Variants in FAM136A observed in about 807,000 individuals in gnomAD.
FAM136A encodes TIM double twin CX3C motif protein.
A neutral mutation model predicts 21.6 loss-of-function variants in FAM136A; 25 were observed. That is an observed-to-expected ratio of 1.16 (90% CI 0.84 to 1.62). The LOEUF is 1.62. FAM136A is among the 40% of genes most tolerant of loss of function. FAM136A has a pLI of 0.00. For missense variants in FAM136A, 338 were observed against 332.0 expected, an observed-to-expected ratio of 1.02 and a Z score of -0.14; for synonymous variants, 119 against 129.4, an observed-to-expected ratio of 0.92 and a Z score of 0.55.
intron 2 of FAM136A, among the ~76,000 whole-genome samples, chr2:70,298,861 T>G (rs1294628772): frequency 6.6e-6 from 1 of 152,146 alleles, no homozygotes; most frequent in East Asian, 1.9e-4. Flanking sequence ...AGGAGAGGGA[T>G]CCACTGTGTC....
rs1373196110 is a variant in FAM136A, at chr2:70,297,460, G to A, written c.567C>T (p.Cys189=). The change falls in exon 3 of 3, where the codon TGC becomes TGT. Residue 189 remains cysteine, a synonymous_variant. Coordinates refer to ENST00000430566, the MANE Select transcript of FAM136A (RefSeq NM_001329752.2). ...TGGCTTTGTCGTTGCAATGCATGGT[G>A]CACCGGGCCAGGCGGTCCTGTGGCA... ...LEKFQDRLAR[C]TMHCNDKAKD... The A allele has an allele frequency of 2.6e-5, 42 of 1,613,766 alleles. No individual in the cohort carries two copies. The highest frequency in any genetic ancestry group is 3.4e-5 in the Non-Finnish European group (40 of 1,179,876).
chr2:70,302,019 C>T lies in FAM136A; in HGVS notation c.-8G>A. 1 of 1,578,830 alleles carries T rather than the reference C, an allele frequency of 6.3e-7. No homozygotes were observed. ...CTGCTGCAGCTCAGCCATGGCGACC[C>T]CGCGCTGCCCCGCGGCGCTCCGCGC... On this transcript the variant is annotated 5_prime_UTR_variant, in exon 1 of 3. Coordinates refer to ENST00000430566, the MANE Select transcript of FAM136A (RefSeq NM_001329752.2).
rs77938271 is a variant in FAM136A at position 70,297,284 on chromosome 2, T to C, written c.*5A>G. ...CTCAGCCCTGATGGCCACTGGCAAATACTTTTATTTTCCAATTGATAAGAG... is the reference window on the plus strand; with the variant it reads ...CTCAGCCCTGATGGCCACTGGCAAACACTTTTATTTTCCAATTGATAAGAG... On this transcript the variant is annotated 3_prime_UTR_variant, in exon 3 of 3. Coordinates refer to ENST00000430566, the MANE Select transcript of FAM136A (RefSeq NM_001329752.2). The C allele has an allele frequency of 6.6e-7, 1 of 1,505,072 alleles. No homozygotes were observed. Among genetic ancestry groups the C allele is most frequent in the Non-Finnish European group, 9.0e-7 (1 of 1,110,846 alleles). 93.2% of individuals were successfully genotyped at this position (1,505,072 alleles called of 1,614,324 possible). A position where few individuals can be genotyped will look rare whatever the true frequency, so the allele number is the denominator to read the frequency against.
At position 70,296,840 on chromosome 2, in the gene FAM136A, T is replaced by A. The variant is rs1058256; in HGVS notation, c.*449A>T. 9,666 of 153,446 alleles carry A rather than the reference T, an allele frequency of 0.063. 370 individuals are homozygous for A. Among genetic ancestry groups the A allele is most frequent in the East Asian group, 0.18 (933 of 5,206 alleles). 9.5% of individuals were successfully genotyped at this position (153,446 alleles called of 1,614,324 possible). On this transcript the variant is annotated 3_prime_UTR_variant, in exon 3 of 3. Transcript: ENST00000430566. ...TAAGTTAGTGACCTCATTGATTTTGTTTCACAGCTTATGGAAGATGGTGGG... is the reference window on the plus strand; with the variant it reads ...TAAGTTAGTGACCTCATTGATTTTGATTCACAGCTTATGGAAGATGGTGGG...
intron 2 of FAM136A, among the ~76,000 whole-genome samples, chr2:70,299,370 G>T (rs1441809163): frequency 6.6e-6 from 1 of 152,138 alleles, no homozygotes; most frequent in Admixed American, 6.5e-5. Context: ...TGTGAGCCAG[G>T]AATCAGTGAG....
chr2:70,299,907 AT>A (rs113135355), intron 2 of FAM136A, among the ~76,000 whole-genome samples: 7 of 135,944 alleles, frequency 5.1e-5, no homozygotes, highest in South Asian at 2.3e-4. Flanking sequence ...AACATTATTT[AT>A]TTTTTTTTGA....
intron 1 of FAM136A, chr2:70,301,292 A>T (rs1340295989): frequency 3.0e-6 from 4 of 1,317,440 alleles, no homozygotes; most frequent in Non-Finnish European, 4.0e-6. Flanking sequence ...AATTCTGAAA[A>T]CCAGGAGCCT....
At chr2:70,300,756 G>T in intron 2 of FAM136A, 84 bp downstream of exon 2, 1 of 1,446,130 alleles carries the variant, frequency 6.9e-7, no homozygotes, top group South Asian at 1.5e-5. Flanking sequence ...AGACACTAAA[G>T]CCAAGAGTTT....
chr2:70,299,089 C>A (rs775247741), intron 2 of FAM136A, among the ~76,000 whole-genome samples: 2 of 152,194 alleles, frequency 1.3e-5, no homozygotes, highest in Non-Finnish European at 2.9e-5. Flanking sequence ...CAAAGAAACC[C>A]TTTGGGGTTC....
At chr2:70,298,529 A>G (rs991743478) in intron 2 of FAM136A, among the ~76,000 whole-genome samples, 5 of 152,246 alleles carry the variant, frequency 3.3e-5, no homozygotes, top group Admixed American at 3.3e-4. Flanking sequence ...CAGAACTTAC[A>G]TTCCAGTGAG....
chr2:70,300,136 G>A (rs74453883), intron 2 of FAM136A, among the ~76,000 whole-genome samples: 9,584 of 151,618 alleles, frequency 0.063, 366 homozygotes, highest in East Asian at 0.18. Flanking sequence ...TCCTGACCTC[G>A]TGATCCACCC....
intron 2 of FAM136A, among the ~76,000 whole-genome samples, chr2:70,300,166 T>C (rs1383778389): frequency 1.3e-5 from 2 of 151,486 alleles, no homozygotes. Flanking sequence ...TCCCAAAATG[T>C]TGGGATTACA....
chr2:70,299,683 C>T (rs1473936226), intron 2 of FAM136A, among the ~76,000 whole-genome samples: 2 of 152,122 alleles, frequency 1.3e-5, no homozygotes, highest in Admixed American at 1.3e-4. Flanking sequence ...TCACTGCAAG[C>T]TCTGCCTCCC....
At chr2:70,301,086 C>T (rs1697384801) in intron 1 of FAM136A, 106 bp from the exon 2 acceptor site, 4 of 1,311,824 alleles carry the variant, frequency 3.0e-6, no homozygotes, top group Non-Finnish European at 4.2e-6. Context: ...GCACCTCTCT[C>T]TCCACCTTCT....
In FAM136A at chr2:70,297,080, G is replaced by C; in HGVS notation, c.*209C>G. 1 of 545,640 alleles carries C rather than the reference G, an allele frequency of 1.8e-6. No homozygotes were observed. The allele number at this position is 545,640 out of a possible 1,614,324, so 33.8% of individuals were successfully genotyped here. On this transcript the variant is annotated 3_prime_UTR_variant, in exon 3 of 3. Coordinates refer to ENST00000430566, the MANE Select transcript of FAM136A (RefSeq NM_001329752.2). ...TCTAAAACTCTCCTGTAATATCTCTGACTCGATTTAGCACCACTTTTTTCC... is the reference window on the plus strand; with the variant it reads ...TCTAAAACTCTCCTGTAATATCTCTCACTCGATTTAGCACCACTTTTTTCC...
At position 70,300,879 on chromosome 2, in the gene FAM136A, T is replaced by C; in HGVS notation, c.510A>G (p.Gln170=). 6.2e-7 allele frequency: 1 copy of C among 1,613,310 alleles called. No individual in the cohort carries two copies. Among genetic ancestry groups the C allele is most frequent in the South Asian group, 1.1e-5 (1 of 91,074 alleles). ...CIERCHVPLA[Q]AQALVTSELE... ...GCTCACTGGTGACCAAAGCCTGGGC[T>C]TGAGCCAGAGGCACATGGCAGCGCT... Residue 170 remains glutamine (Q), a synonymous_variant, in exon 2 of 3, where the codon CAA becomes CAG. Coordinates refer to ENST00000430566, the MANE Select transcript of FAM136A (RefSeq NM_001329752.2).
chr2:70,301,645 G>GCGCCTGCCACCAGGGGCTTCC lies in FAM136A; in HGVS notation c.346_366dup (p.Gly116_Ala122dup). The GCGCCTGCCACCAGGGGCTTCC allele has an allele frequency of 6.5e-7, 1 of 1,535,644 alleles. No individual in the cohort carries two copies. Among genetic ancestry groups the GCGCCTGCCACCAGGGGCTTCC allele is most frequent in the Non-Finnish European group, 8.7e-7 (1 of 1,146,638 alleles). On this transcript the variant is annotated inframe_insertion, in exon 1 of 3. Coordinates refer to ENST00000430566, the MANE Select transcript of FAM136A (RefSeq NM_001329752.2). ...GTAAGAGGGGAAGGTGGTGGGGCGA[G>GCGCCTGCCACCAGGGGCTTCC]CGCCTGCCACCAGGGGCTTCCCACC... is the stretch of plus-strand genomic sequence containing the variant.
chr2:70,301,224 G>T, intron 1 of FAM136A: 1 of 828,084 alleles, frequency 1.2e-6, no homozygotes, highest in Non-Finnish European at 1.8e-6. Context: ...TTGCACCGAT[G>T]GTTGGGTGAA....
chr2:70,301,263 G>C, intron 1 of FAM136A: 2 of 1,059,804 alleles, frequency 1.9e-6, no homozygotes, highest in South Asian at 3.4e-5. Flanking sequence ...GGTGAGGGTA[G>C]GGTGGTCTGA....
Sources: allele counts gnomAD v4.1 joint callset (sites outside exome capture counted in the v4.1 genomes callset), GRCh38; gene constraint gnomAD v4.1.1; transcripts MANE v1.5; gene names NCBI Gene and HGNC (gene_info 2026-07-23, HGNC 2026-07-21).